Variants in SRC observed in about 807,000 individuals in gnomAD.
SRC encodes the protein proto-oncogene tyrosine-protein kinase Src.
A neutral mutation model predicts 62.9 loss-of-function variants in SRC; 13 were observed. That is an observed-to-expected ratio of 0.21 (90% CI 0.13 to 0.33). The LOEUF (loss-of-function observed/expected upper bound fraction) is 0.33, where lower values mean the gene tolerates loss of function less well. SRC is among the 10% of genes least tolerant of loss of function. The pLI is 1.00. For synonymous variants in SRC, 302 were observed against 317.5 expected (o/e 0.95, Z 0.52); for missense variants, 457 against 737.3 (o/e 0.62, Z 4.40).
At chr20:37,379,369 C>T (rs2070326656) in intron 2 of SRC, among the ~76,000 whole-genome samples, 1 of 152,046 alleles carries the variant, frequency 6.6e-6, no homozygotes, top group Non-Finnish European at 1.5e-5. Flanking sequence ...CATGGTGACT[C>T]GGCAGTTGGG....
Position 37,396,088 on chromosome 20 carries a change from C to T in SRC, c.554-74C>T. The T allele has an allele frequency of 1.9e-6, 3 of 1,562,418 alleles. No homozygotes were observed. The highest frequency in any genetic ancestry group is 2.6e-6 in the Non-Finnish European group (3 of 1,155,538). ...CCTTCCCTCCAATGTCAGGCAGGCA[C>T]AGAACGGTGTCCAGAGCAGCGGCCT... On this transcript the variant is annotated intron_variant, in intron 7 of 13. Transcript: ENST00000373578. The surrounding 1 kb of genome is among the most constrained non-coding windows in gnomAD (Gnocchi z 6.1).
At chr20:37,395,624 C>G (rs2070632789) in intron 7 of SRC, among the ~76,000 whole-genome samples, 1 of 152,244 alleles carries the variant, frequency 6.6e-6, no homozygotes, top group Non-Finnish European at 1.5e-5. Context: ...CCAACCACCC[C>G]CTCCCGCCTG....
Position 37,384,140 on chromosome 20 carries a change from C to T in SRC, c.-4-10C>T, listed in dbSNP as rs771106851. 1.9e-6 allele frequency: 3 copies of T among 1,599,822 alleles called. No homozygotes were observed. Among genetic ancestry groups the T allele is most frequent in the Non-Finnish European group, 2.5e-6 (3 of 1,176,594 alleles). On this transcript the variant is annotated splice_polypyrimidine_tract_variant and intron_variant, in intron 3 of 13. Transcript: ENST00000373578. The surrounding 1 kb of genome is among the most constrained non-coding windows in gnomAD (Gnocchi z 6.7). ...CTGCCTGTTCCAGTGTCTTCTCTCT[C>T]TCCTGCCAGGACCATGGGTAGCAAC...
At chr20:37,379,580 C>T (rs1019497762) in intron 2 of SRC, among the ~76,000 whole-genome samples, 20 of 151,748 alleles carry the variant, frequency 1.3e-4, no homozygotes, top group African/African-American at 4.6e-4. Flanking sequence ...CAGAATTAGC[C>T]GGGAGTGGTG....
chr20:37,360,698 C>A (rs2069955786), intron 1 of SRC, among the ~76,000 whole-genome samples: 1 of 152,236 alleles, frequency 6.6e-6, no homozygotes, highest in Admixed American at 6.5e-5. Context: ...TAGCATAGGC[C>A]CGGCACATAG....
chr20:37,377,647 A>G (rs6018156), intron 2 of SRC, among the ~76,000 whole-genome samples: 43,053 of 152,174 alleles, frequency 0.28, 8,421 homozygotes, highest in African/African-American at 0.56. Flanking sequence ...CTGCAGGGCC[A>G]TGTGGACCCA....
intron 4 of SRC, among the ~76,000 whole-genome samples, chr20:37,385,657 G>A (rs1269259240): frequency 6.6e-6 from 1 of 152,212 alleles, no homozygotes; most frequent in Non-Finnish European, 1.5e-5. Context: ...GAGAGAGCGA[G>A]CCTCCTGGGG....
chr20:37,369,636 G>C (rs556467626), intron 2 of SRC, among the ~76,000 whole-genome samples: 2 of 151,848 alleles, frequency 1.3e-5, no homozygotes, highest in African/African-American at 4.8e-5. Context: ...TTTCATTTTC[G>C]TTCCTAATTG....
chr20:37,373,114 A>G (rs1178144569), intron 2 of SRC, among the ~76,000 whole-genome samples: 2 of 108,020 alleles, frequency 1.9e-5, no homozygotes, highest in Non-Finnish European at 3.4e-5. Flanking sequence ...ATATATGTAC[A>G]CACACATATG....
At chr20:37,373,222 AC>A (rs1315757625) in intron 2 of SRC, among the ~76,000 whole-genome samples, 1 of 148,856 alleles carries the variant, frequency 6.7e-6, no homozygotes, top group Non-Finnish European at 1.5e-5. Context: ...ACATGTACAT[AC>A]GTACACACAT....
chr20:37,386,278 C>G (rs1324318761), intron 5 of SRC, 104 bp downstream of exon 5: 3 of 1,167,360 alleles, frequency 2.6e-6, no homozygotes, highest in Admixed American at 3.4e-5. Context: ...AGTGCAGAGC[C>G]CAGGGCAGTG....
chr20:37,354,885 G>A (rs2069858321), intron 1 of SRC, among the ~76,000 whole-genome samples: 1 of 152,236 alleles, frequency 6.6e-6, no homozygotes, highest in Admixed American at 6.5e-5. Context: ...TCACCGGGCT[G>A]TTGGGAAGGC....
chr20:37,393,849 C>T (rs374686499), intron 5 of SRC, 46 bp from the exon 6 acceptor site: 15 of 1,474,740 alleles, frequency 1.0e-5, no homozygotes, highest in Non-Finnish European at 1.4e-5. Context: ...GGGCTTGTGG[C>T]TGACGGCTCC....
rs983682459 is a variant in SRC, at chr20:37,351,419, G to T, written c.-247+5164G>T. 6.6e-6 allele frequency among the ~76,000 whole-genome samples: 1 copy of T among 152,084 alleles called. No homozygotes were observed. The highest frequency in any genetic ancestry group is 2.4e-5 in the African/African-American group (1 of 41,414). ...AGTCTTTTTTGGTGCTCATGTAGGGGTGGGGATGTCTGTGGTGGGTGGGTG... is the reference window on the plus strand; with the variant it reads ...AGTCTTTTTTGGTGCTCATGTAGGGTTGGGGATGTCTGTGGTGGGTGGGTG... On this transcript the variant is annotated intron_variant, in intron 1 of 13. Transcript: ENST00000373578. The surrounding 1 kb of genome is among the most constrained non-coding windows in gnomAD (Gnocchi z 4.4).
In SRC at chr20:37,397,287, G is replaced by A. The variant is rs1227562260; in HGVS notation, c.704-412G>A. Reference sequence around the variant, plus strand: ...CCGTCCTGCACATCCAAGCTCAGTTGCTGCTTCCTCCAGGAAGCCTTCCAG... The same window carrying A: ...CCGTCCTGCACATCCAAGCTCAGTTACTGCTTCCTCCAGGAAGCCTTCCAG... On this transcript the variant is annotated intron_variant, in intron 8 of 13. Transcript: ENST00000373578. The surrounding 1 kb of genome is among the most constrained non-coding windows in gnomAD (Gnocchi z 4.1). Among the ~76,000 whole-genome samples the A allele has an allele frequency of 1.3e-5, 2 of 152,118 alleles. No homozygotes were observed. Among genetic ancestry groups the A allele is most frequent in the African/African-American group, 4.8e-5 (2 of 41,416 alleles).
In SRC at chr20:37,403,426, G is replaced by T. The variant is rs769153671; in HGVS notation, c.*47G>T. On this transcript the variant is annotated 3_prime_UTR_variant, in exon 14 of 14. Coordinates refer to ENST00000373578, the MANE Select transcript of SRC (RefSeq NM_198291.3). The surrounding 1 kb of genome is among the most constrained non-coding windows in gnomAD (Gnocchi z 7.1). ...CTTCTCGGCTTGGATCCTGGGCTGG[G>T]TGGCCCCTGTCTCGGGGCTTGCCCC... 1.3e-6 allele frequency: 2 copies of T among 1,520,970 alleles called. No individual in the cohort carries two copies. The highest frequency in any genetic ancestry group is 1.4e-5 in the African/African-American group (1 of 72,794). 94.2% of individuals were successfully genotyped at this position (1,520,970 alleles called of 1,614,324 possible).
rs1168048765 is a variant in SRC at position 37,365,195 on chromosome 20, C to T, written c.-246-9C>T. ...GTGGATATTAATCCTATTGTCCCTC[C>T]CTTTACAGAACAGAGAACAGAAGCT... is the stretch of plus-strand genomic sequence containing the variant. On this transcript the variant is annotated splice_polypyrimidine_tract_variant and intron_variant, in intron 1 of 13. Transcript: ENST00000373578. 1.3e-5 allele frequency: 2 copies of T among 152,146 alleles called. No homozygotes were observed. The highest frequency in any genetic ancestry group is 2.9e-5 in the Non-Finnish European group (2 of 68,052). The allele number at this position is 152,146 out of a possible 1,614,324, so 9.4% of individuals were successfully genotyped here.
In SRC at chr20:37,384,093, C is replaced by G. The variant is rs1486638796; in HGVS notation, c.-4-57C>G. 6.3e-7 allele frequency: 1 copy of G among 1,581,504 alleles called. No homozygotes were observed. The highest frequency in any genetic ancestry group is 1.4e-5 in the African/African-American group (1 of 72,744). ...TCTGTGGAATGGGTGGGAGGGAGGC[C>G]GGCCAAGGGGCCCCGGCAGCCCTGC... is the stretch of plus-strand genomic sequence containing the variant. On this transcript the variant is annotated intron_variant, in intron 3 of 13. Coordinates refer to ENST00000373578, the MANE Select transcript of SRC (RefSeq NM_198291.3). This position sits in a 1 kb window ranked among gnomAD's most constrained non-coding sequence, Gnocchi z 6.7.
chr20:37,396,141 G>A lies in SRC; in HGVS notation c.554-21G>A, dbSNP rs748762036. 1.1e-5 allele frequency: 18 copies of A among 1,607,742 alleles called. No individual in the cohort carries two copies. Among genetic ancestry groups the A allele is most frequent in the Non-Finnish European group, 1.7e-6 (2 of 1,178,640 alleles). Reference sequence around the variant, plus strand: ...GGGGGGAGAGGGCATGGCGGTCACGGCTCCCCTCGGTGCCCCGCAGGTGCC... The same window carrying A: ...GGGGGGAGAGGGCATGGCGGTCACGACTCCCCTCGGTGCCCCGCAGGTGCC... On this transcript the variant is annotated intron_variant, in intron 7 of 13. Transcript: ENST00000373578. The surrounding 1 kb of genome is among the most constrained non-coding windows in gnomAD (Gnocchi z 6.1).
Sources: allele counts gnomAD v4.1 joint callset (sites outside exome capture counted in the v4.1 genomes callset), GRCh38; gene constraint gnomAD v4.1.1; non-coding constraint Gnocchi (gnomAD v3.1); transcripts MANE v1.5; gene names NCBI Gene and HGNC (gene_info 2026-07-23, HGNC 2026-07-21).